Variants in EPHB2 observed in about 807,000 individuals in gnomAD.
The protein encoded by EPHB2 is ephrin type-B receptor 2.
Under a neutral mutation model 96.4 loss-of-function variants are expected in EPHB2, and 18 were observed. The observed-to-expected ratio is 0.19, with a 90% CI of 0.13 to 0.28. The LOEUF is 0.28. Ranked by LOEUF, EPHB2 falls within the 10% of genes least tolerant of loss-of-function variation. EPHB2 has a pLI of 1.00. For missense variants in EPHB2, 989 were observed against 1,355.4 expected (o/e 0.73, Z 4.25); for synonymous variants, 506 against 534.1 (o/e 0.95, Z 0.72).
In EPHB2 at chr1:22,852,566, G is replaced by A. The variant is rs564498917; in HGVS notation, c.812-10471G>A. Among the ~76,000 whole-genome samples the A allele has an allele frequency of 1.6e-3, 238 of 152,332 alleles. 1 individual carries two copies. Among genetic ancestry groups the A allele is most frequent in the Admixed American group, 3.3e-3 (51 of 15,308 alleles). On this transcript the variant is annotated intron_variant, in intron 3 of 15. Coordinates refer to ENST00000374630, the MANE Select transcript of EPHB2 (RefSeq NM_017449.5). ...TGTGGGGAAGCTGGGATATCATGAAGGGAGGCCAGACCTGGGGCTGGGGGC... is the reference window on the plus strand; with the variant it reads ...TGTGGGGAAGCTGGGATATCATGAAAGGAGGCCAGACCTGGGGCTGGGGGC...
intron 5 of EPHB2, among the ~76,000 whole-genome samples, chr1:22,871,787 G>A (rs1219586581): frequency 6.6e-6 from 1 of 152,180 alleles, no homozygotes; most frequent in Non-Finnish European, 1.5e-5. Context: ...GGAGGCTGAG[G>A]CGGGTGGATC....
At chr1:22,870,582 C>T (rs1031940590) in intron 5 of EPHB2, among the ~76,000 whole-genome samples, 1 of 152,102 alleles carries the variant, frequency 6.6e-6, no homozygotes, top group Non-Finnish European at 1.5e-5. Context: ...AGCTGAGGTC[C>T]GAATGACAAG....
chr1:22,874,792 A>T (rs1454216560), intron 5 of EPHB2, among the ~76,000 whole-genome samples: 1 of 152,170 alleles, frequency 6.6e-6, no homozygotes, highest in Non-Finnish European at 1.5e-5. Flanking sequence ...AGGAAAAAAT[A>T]ATAATAATGT....
At chr1:22,768,812 C>T (rs1644340960) in intron 1 of EPHB2, among the ~76,000 whole-genome samples, 1 of 151,872 alleles carries the variant, frequency 6.6e-6, no homozygotes, top group Admixed American at 6.6e-5. Context: ...GGCCTTTGTA[C>T]AAGCTGTTCT....
chr1:22,868,197 C>A (rs1638543471), intron 5 of EPHB2, among the ~76,000 whole-genome samples: 1 of 152,096 alleles, frequency 6.6e-6, no homozygotes, highest in Non-Finnish European at 1.5e-5. Context: ...GCTGGATGTA[C>A]CCAGGAGTAG....
Position 22,912,470 on chromosome 1 carries a change from C to T in EPHB2, c.2723C>T (p.Thr908Met), listed in dbSNP as rs370710705. The T allele has an allele frequency of 2.9e-5, 47 of 1,613,974 alleles. No homozygotes were observed. The African/African-American group carries it at 4.5e-4, about 16-fold the overall frequency. The change falls in exon 15 of 16, where the codon ACG becomes ATG. Residue 908 changes from threonine to methionine, a missense_variant. Thr to Met is a moderately conservative substitution (Grantham distance 81). Transcript: ENST00000374630. Reference protein sequence around the residue: ...SGINLPLLDRTIPDYTSFNTV... With the variant: ...SGINLPLLDRMIPDYTSFNTV... ...ATCAACCTGCCGCTGCTGGACCGCA[C>T]GATCCCCGACTACACCAGCTTTAAC...
chr1:22,861,782 G>C (rs2148522132), intron 3 of EPHB2, among the ~76,000 whole-genome samples: 1 of 152,178 alleles, frequency 6.6e-6, no homozygotes, highest in Admixed American at 6.5e-5. Flanking sequence ...TTGAAGACTA[G>C]AGCTGGAAAA....
At chr1:22,816,562 G>T (rs374496090) in intron 3 of EPHB2, among the ~76,000 whole-genome samples, 1 of 152,072 alleles carries the variant, frequency 6.6e-6, no homozygotes, top group South Asian at 2.1e-4. Context: ...CATCTCTGCC[G>T]TTCCCCCTGC....
intron 3 of EPHB2, among the ~76,000 whole-genome samples, chr1:22,825,737 G>A (rs565437062): frequency 2.0e-4 from 30 of 152,358 alleles, no homozygotes; most frequent in African/African-American, 6.7e-4. Flanking sequence ...CCTTTTGCAA[G>A]GCAAAGCAGG....
At chr1:22,815,489 G>T (rs1645062494) in intron 3 of EPHB2, among the ~76,000 whole-genome samples, 1 of 152,230 alleles carries the variant, frequency 6.6e-6, no homozygotes, top group Non-Finnish European at 1.5e-5. Flanking sequence ...AAGCTTCTCA[G>T]TGAAACCTGA....
At chr1:22,884,169 T>A (rs1203889650) in intron 6 of EPHB2, among the ~76,000 whole-genome samples, 1 of 152,072 alleles carries the variant, frequency 6.6e-6, no homozygotes, top group Non-Finnish European at 1.5e-5. Context: ...AGGAATGAAT[T>A]GTGTGAATGA....
rs572362064 is a variant in EPHB2, at chr1:22,885,821, C to T, written c.1428+3338C>T. Among the ~76,000 whole-genome samples the T allele has an allele frequency of 2.0e-5, 3 of 152,276 alleles. No individual in the cohort carries two copies. In the South Asian group the frequency reaches 6.2e-4, roughly 32 times the overall value. On this transcript the variant is annotated intron_variant, in intron 6 of 15. Transcript: ENST00000374630. The stretch of plus-strand genomic sequence containing the variant: ...GCTGAAGGTGTGACAGCCTGAGGTA[C>T]ACCTGTGATGAGACGTGGCCCTACT...
At position 22,730,992 on chromosome 1, in the gene EPHB2, C is replaced by T. The variant is rs1022442619; in HGVS notation, c.61+19949C>T. ...TGGTGGGGAGTTGTCAGTAAGTGGC[C>T]CTGGTTTTGCTCCCCAGGCTGCCTC... On this transcript the variant is annotated intron_variant, in intron 1 of 15. Transcript: ENST00000374630. Among the ~76,000 whole-genome samples the T allele has an allele frequency of 4.6e-5, 7 of 151,920 alleles. No homozygotes were observed. In the East Asian group the frequency reaches 1.2e-3, roughly 25 times the overall value.
intron 1 of EPHB2, among the ~76,000 whole-genome samples, chr1:22,761,204 G>A (rs144436057): frequency 6.6e-6 from 1 of 152,198 alleles, no homozygotes; most frequent in African/African-American, 2.4e-5. Context: ...CCATTGTGAT[G>A]CACAGCCAGC....
At chr1:22,859,708 G>A (rs570420094) in intron 3 of EPHB2, among the ~76,000 whole-genome samples, 5 of 152,082 alleles carry the variant, frequency 3.3e-5, no homozygotes, top group Middle Eastern at 3.4e-3. Flanking sequence ...CAGGAGAATC[G>A]CTTGAACCCG....
At chr1:22,788,753 G>GTCTTTTTTTTTT (rs1644648425) in intron 3 of EPHB2, among the ~76,000 whole-genome samples, 1 of 134,162 alleles carries the variant, frequency 7.5e-6, no homozygotes, top group Admixed American at 7.3e-5. Flanking sequence ...TTTTGTTTTT[G>GTCTTTTTTTTTT]TTTTTTTTTT....
chr1:22,781,736 G>A (rs143366712), intron 2 of EPHB2, among the ~76,000 whole-genome samples: 36 of 152,220 alleles, frequency 2.4e-4, no homozygotes, highest in African/African-American at 7.0e-4. Flanking sequence ...TTAGGGCAAG[G>A]CTGAGAAGTA....
intron 8 of EPHB2, among the ~76,000 whole-genome samples, chr1:22,895,875 G>A (rs1373113462): frequency 6.6e-6 from 1 of 152,254 alleles, no homozygotes; most frequent in Non-Finnish European, 1.5e-5. Flanking sequence ...TAGGAGTTTA[G>A]TGGGTGGTGG....
chr1:22,772,310 G>A (rs975203984), intron 1 of EPHB2, among the ~76,000 whole-genome samples: 1 of 152,256 alleles, frequency 6.6e-6, no homozygotes, highest in Admixed American at 6.5e-5. Context: ...GCGTCACAGG[G>A]ACTCCTCCGC....
Sources: gnomAD v4.1 joint callset for allele counts (sites outside exome capture counted in the v4.1 genomes callset) on GRCh38, gnomAD v4.1.1 for gene constraint, MANE v1.5 for transcripts, NCBI Gene and HGNC (gene_info 2026-07-23, HGNC 2026-07-21) for gene names.